The following RBFOX1 variants were observed in gnomAD, a reference collection of about 807,000 sequenced individuals.
The protein encoded by RBFOX1 is RNA binding fox-1 homolog 1.
A neutral mutation model predicts 57.7 loss-of-function variants in RBFOX1; 8 were observed. The ratio of observed to expected loss-of-function variants is 0.14; its 90% CI spans 0.08 to 0.25. The LOEUF is 0.25. RBFOX1 is among the 10% of genes least tolerant of loss of function. The pLI is 1.00. For missense variants in RBFOX1, 611 were observed against 548.5 expected (o/e 1.11, Z -1.14); for synonymous variants, 326 against 222.4 (o/e 1.47, Z -4.15).
At chr16:5,550,441 C>G (rs1463358177) in intron 2 of RBFOX1, among the ~76,000 whole-genome samples, 1 of 152,142 alleles carries the variant, frequency 6.6e-6, no homozygotes, top group Non-Finnish European at 1.5e-5. Context: ...CCATCAGCCA[C>G]CAAAGAAGGC....
At chr16:6,634,470 A>G (rs888898020) in intron 2 of RBFOX1, among the ~76,000 whole-genome samples, 1 of 150,556 alleles carries the variant, frequency 6.6e-6, no homozygotes, top group Non-Finnish European at 1.5e-5. Flanking sequence ...TATATTTAAT[A>G]TAATAGATGA....
At chr16:5,360,927 A>G (rs935786063) in intron 1 of RBFOX1, among the ~76,000 whole-genome samples, 1 of 152,160 alleles carries the variant, frequency 6.6e-6, no homozygotes, top group Non-Finnish European at 1.5e-5. Context: ...TAGTGGGAGA[A>G]GCCTCCAGTG....
chr16:6,305,242 T>C (rs1238226358), intron 1 of RBFOX1, among the ~76,000 whole-genome samples: 1 of 152,204 alleles, frequency 6.6e-6, no homozygotes, highest in Admixed American at 6.5e-5. Context: ...ACAGTTCAAG[T>C]TGTGGCTTCT....
intron 4 of RBFOX1, among the ~76,000 whole-genome samples, chr16:5,881,329 A>G (rs1310898905): frequency 3.3e-5 from 5 of 152,214 alleles, no homozygotes; most frequent in Admixed American, 3.3e-4. Flanking sequence ...ATCTCTGCCC[A>G]GTGCCTGGTT....
chr16:6,414,519 A>G (rs952127796), intron 2 of RBFOX1, among the ~76,000 whole-genome samples: 2 of 152,330 alleles, frequency 1.3e-5, no homozygotes, highest in East Asian at 3.9e-4. Context: ...CTAAATAAAC[A>G]AGATAGTTTC....
At chr16:5,658,774 GTATATA>G (rs2049541783) in intron 3 of RBFOX1, among the ~76,000 whole-genome samples, 2 of 134,620 alleles carry the variant, frequency 1.5e-5, no homozygotes, top group African/African-American at 6.9e-5. Flanking sequence ...ATGTATATAT[GTATATA>G]TGTATATATA....
At chr16:7,501,689 T>C (rs931730837) in intron 4 of RBFOX1, among the ~76,000 whole-genome samples, 1 of 152,260 alleles carries the variant, frequency 6.6e-6, no homozygotes, top group Admixed American at 6.5e-5. Flanking sequence ...TTTCTACATA[T>C]TGTTTTGTCA....
intron 3 of RBFOX1, among the ~76,000 whole-genome samples, chr16:5,755,007 G>C (rs1448723951): frequency 7.0e-5 from 1 of 14,342 alleles, no homozygotes; most frequent in African/African-American, 3.2e-4. Flanking sequence ...TATCACATGG[G>C]GAGAAACCTT....
At chr16:7,012,888 C>CT (rs1296902105) in intron 3 of RBFOX1, among the ~76,000 whole-genome samples, 1 of 152,170 alleles carries the variant, frequency 6.6e-6, no homozygotes, top group African/African-American at 2.4e-5. Context: ...GCTGGGGAGG[C>CT]TGGAAGTTCA....
At position 7,265,672 on chromosome 16, in the gene RBFOX1, C is replaced by T. The variant is rs146302247; in HGVS notation, c.27+213574C>T. 1.9e-3 allele frequency among the ~76,000 whole-genome samples: 297 copies of T among 152,310 alleles called. 1 individual carries two copies. The highest frequency in any genetic ancestry group is 6.3e-3 in the African/African-American group (260 of 41,576). ...CCATATTGGCCAGGCCGGTCTGAAA[C>T]TCCTGACCTCAGGTGATCCGCCTGC... On this transcript the variant is annotated intron_variant, in intron 4 of 15. Transcript: ENST00000550418.
intron 2 of RBFOX1, among the ~76,000 whole-genome samples, chr16:6,616,079 C>T (rs572186946): frequency 1.3e-5 from 2 of 152,124 alleles, no homozygotes; most frequent in Admixed American, 1.3e-4. Flanking sequence ...GGCTGTGCAG[C>T]AGATGAGGAC....
upstream of RBFOX1, among the ~76,000 whole-genome samples, chr16:6,017,606 C>T (rs368084805): frequency 1.2e-3 from 185 of 152,246 alleles, 1 homozygote; most frequent in African/African-American, 4.2e-3. Context: ...ATTGCAAAAT[C>T]GCTGGGACCA....
chr16:5,988,365 A>G (rs969721844), intron 4 of RBFOX1, among the ~76,000 whole-genome samples: 1 of 152,196 alleles, frequency 6.6e-6, no homozygotes, highest in African/African-American at 2.4e-5. Flanking sequence ...TCCTAATTCA[A>G]AGTGATTACT....
chr16:7,710,400 G>T, intron 15 of RBFOX1: 2 of 1,389,364 alleles, frequency 1.4e-6, no homozygotes, highest in Non-Finnish European at 1.8e-6. Flanking sequence ...AAGAGGACTG[G>T]CTGACAGAAT....
At chr16:5,979,427 C>T in intron 4 of RBFOX1, among the ~76,000 whole-genome samples, 1 of 152,172 alleles carries the variant, frequency 6.6e-6, no homozygotes, top group Admixed American at 6.5e-5. Flanking sequence ...AACATTCATT[C>T]AATGTGATTA....
At chr16:5,477,575 G>T (rs1449007888) in intron 2 of RBFOX1, among the ~76,000 whole-genome samples, 1 of 152,148 alleles carries the variant, frequency 6.6e-6, no homozygotes, top group Non-Finnish European at 1.5e-5. Context: ...GTTGGCATGG[G>T]ACAACTAATA....
intron 3 of RBFOX1, among the ~76,000 whole-genome samples, chr16:6,848,992 T>A (rs2093918579): frequency 6.6e-6 from 1 of 152,176 alleles, no homozygotes; most frequent in Non-Finnish European, 1.5e-5. Flanking sequence ...CTGTCCTGAT[T>A]CCAAAGCACG....
At chr16:5,351,949 G>A (rs548379601) in intron 1 of RBFOX1, among the ~76,000 whole-genome samples, 2 of 152,136 alleles carry the variant, frequency 1.3e-5, no homozygotes, top group African/African-American at 4.8e-5. Flanking sequence ...GATTACAGGC[G>A]CCCGCCACCA....
At chr16:7,625,964 G>A (rs1349253302) in intron 10 of RBFOX1, among the ~76,000 whole-genome samples, 2 of 152,056 alleles carry the variant, frequency 1.3e-5, no homozygotes, top group Non-Finnish European at 2.9e-5. Flanking sequence ...CATCAATGGG[G>A]GAAGACACTC....
Sources: gnomAD v4.1 joint callset for allele counts (sites outside exome capture counted in the v4.1 genomes callset) on GRCh38, gnomAD v4.1.1 for gene constraint, MANE v1.5 for transcripts, NCBI Gene and HGNC (gene_info 2026-07-23, HGNC 2026-07-21) for gene names.